TBC1D5: variants seen among roughly 807,000 people sequenced by gnomAD.
TBC1D5 encodes the protein TBC1 domain family, member 5.
Under a neutral mutation model 100.3 loss-of-function variants are expected in TBC1D5, and 75 were observed. The observed-to-expected ratio is 0.75, with a 90% confidence interval of 0.62 to 0.91. The LOEUF (loss-of-function observed/expected upper bound fraction) is 0.91. Among genes scored for constraint, TBC1D5 ranks in the 40% least tolerant of loss-of-function variants. The probability of loss-of-function intolerance (pLI) is 0.00; values close to 1 mark genes in which losing one functional copy is unlikely to be tolerated. For missense variants in TBC1D5, 910 were observed against 942.4 expected (o/e 0.97, Z 0.45); for synonymous variants, 323 against 325.6 (o/e 0.99, Z 0.09).
At chr3:17,603,160 T>G (rs371329552) in intron 2 of TBC1D5, among the ~76,000 whole-genome samples, 19 of 141,862 alleles carry the variant, frequency 1.3e-4, no homozygotes, top group African/African-American at 5.5e-4. Context: ...TTTTGGTTTT[T>G]TTTTTTTTTT....
Position 17,376,595 on chromosome 3 carries a change from C to A in TBC1D5, c.631G>T (p.Ala211Ser), listed in dbSNP as rs763557224. ...CAGTGAAGGACAAAGACTATAGGTG[C>A]TAACAGTTCGTGCATGCCCTGAAAT... Residue 211 changes from alanine (A) to serine (S), a missense_variant, in exon 10 of 22, where the codon GCA becomes TCA. Coordinates refer to ENST00000253692, the Ensembl canonical transcript of TBC1D5. 25 of 1,612,454 alleles carry A rather than the reference C, an allele frequency of 1.6e-5. No individual in the cohort carries two copies. The African/African-American group carries it at 2.0e-4, about 13-fold the overall frequency.
At chr3:17,216,154 C>T (rs2073604292) in intron 17 of TBC1D5, among the ~76,000 whole-genome samples, 1 of 152,048 alleles carries the variant, frequency 6.6e-6, no homozygotes, top group South Asian at 2.1e-4. Flanking sequence ...CTGATACATC[C>T]CTCTTTAAGG....
At chr3:17,498,247 GAATAA>G (rs1477893169) in intron 3 of TBC1D5, among the ~76,000 whole-genome samples, 3 of 151,670 alleles carry the variant, frequency 2.0e-5, no homozygotes, top group Non-Finnish European at 2.9e-5. Context: ...CCAAACTCCA[GAATAA>G]AATACTAGTA....
chr3:17,460,600 C>A (rs1462852361), intron 3 of TBC1D5, among the ~76,000 whole-genome samples: 4 of 151,926 alleles, frequency 2.6e-5, no homozygotes, highest in Non-Finnish European at 5.9e-5. Flanking sequence ...ATCTATTTTA[C>A]ACACATTTTA....
chr3:17,169,483 C>G (rs1319459104), intron 19 of TBC1D5, among the ~76,000 whole-genome samples: 1 of 152,056 alleles, frequency 6.6e-6, no homozygotes, highest in Non-Finnish European at 1.5e-5. Flanking sequence ...ATTCATAAAC[C>G]AGGGTGATAA....
chr3:17,280,197 G>A (rs1259453085), intron 15 of TBC1D5, among the ~76,000 whole-genome samples: 1 of 152,208 alleles, frequency 6.6e-6, no homozygotes, highest in Non-Finnish European at 1.5e-5. Context: ...TGGGGGCAGG[G>A]AGGTCTGCAG....
At chr3:17,395,874 G>A (rs570843605) in intron 8 of TBC1D5, among the ~76,000 whole-genome samples, 2 of 152,122 alleles carry the variant, frequency 1.3e-5, no homozygotes, top group East Asian at 3.9e-4. Context: ...AAATGAAACA[G>A]AAATAGGAAA....
chr3:17,202,191 G>A (rs900615193), intron 18 of TBC1D5, among the ~76,000 whole-genome samples: 2 of 152,252 alleles, frequency 1.3e-5, no homozygotes, highest in East Asian at 1.9e-4. Flanking sequence ...TTATGCATTA[G>A]TAAAGAGACT....
intron 1 of TBC1D5, among the ~76,000 whole-genome samples, chr3:17,629,203 C>A (rs2063302090): frequency 6.6e-6 from 1 of 152,092 alleles, no homozygotes; most frequent in Non-Finnish European, 1.5e-5. Flanking sequence ...AAATTATATT[C>A]TGTGCTTTGG....
At chr3:17,177,849 T>C (rs2067960370) in intron 19 of TBC1D5, among the ~76,000 whole-genome samples, 1 of 152,212 alleles carries the variant, frequency 6.6e-6, no homozygotes, top group Admixed American at 6.5e-5. Flanking sequence ...CCAGGGTGAA[T>C]GAGGTATCTC....
chr3:17,414,029 G>A (rs559999898), intron 4 of TBC1D5, among the ~76,000 whole-genome samples: 2 of 152,318 alleles, frequency 1.3e-5, no homozygotes, highest in African/African-American at 4.8e-5. Context: ...AGATAAGGTA[G>A]AAAGTTGCTT....
At chr3:17,401,297 G>T (rs2093638263) in intron 8 of TBC1D5, among the ~76,000 whole-genome samples, 1 of 119,520 alleles carries the variant, frequency 8.4e-6, no homozygotes, top group African/African-American at 3.8e-5. Context: ...ATATGTATGT[G>T]TATAATACAC....
chr3:17,489,537 G>A (rs1053807866), intron 3 of TBC1D5, among the ~76,000 whole-genome samples: 1 of 152,116 alleles, frequency 6.6e-6, no homozygotes, highest in African/African-American at 2.4e-5. Context: ...CTGTGTCCAT[G>A]TGTTCTCATT....
chr3:17,709,756 G>A (rs1378439320), intron 1 of TBC1D5, among the ~76,000 whole-genome samples: 1 of 152,124 alleles, frequency 6.6e-6, no homozygotes, highest in Non-Finnish European at 1.5e-5. Flanking sequence ...AAAGAATCCT[G>A]TACAAATTGC....
chr3:17,467,882 A>G (rs2095326916), intron 3 of TBC1D5, among the ~76,000 whole-genome samples: 1 of 152,136 alleles, frequency 6.6e-6, no homozygotes, highest in Non-Finnish European at 1.5e-5. Context: ...AGGAAACGGG[A>G]GTTCCCTAGT....
intron 5 of TBC1D5, 24 bp downstream of exon 5, chr3:17,406,394 T>G: frequency 2.5e-6 from 4 of 1,598,070 alleles, no homozygotes; most frequent in Non-Finnish European, 3.4e-6. Context: ...AACCAGAAAC[T>G]GTAAATAAAT....
intron 13 of TBC1D5, among the ~76,000 whole-genome samples, chr3:17,335,698 A>G (rs1392045411): frequency 6.6e-6 from 1 of 152,166 alleles, no homozygotes; most frequent in Non-Finnish European, 1.5e-5. Context: ...AGGAGTCTAT[A>G]TAGAATCCAA....
Position 17,540,045 on chromosome 3 carries a change from T to A in TBC1D5, c.-35-31440A>T, listed in dbSNP as rs115707512. Among the ~76,000 whole-genome samples, 136 of 152,294 alleles carry A rather than the reference T, an allele frequency of 8.9e-4. 3 individuals are homozygous for A. In the East Asian group the frequency reaches 0.025, roughly 28 times the overall value. ...TTGATAGTAGCCATCCTAATGGGTG[T>A]AAGGTGGTATTTCATTATAGTTTTG... is the stretch of plus-strand genomic sequence containing the variant. On this transcript the variant is annotated intron_variant, in intron 2 of 21. Transcript: ENST00000253692.
At chr3:17,453,142 A>C (rs1207194616) in intron 3 of TBC1D5, among the ~76,000 whole-genome samples, 1 of 151,882 alleles carries the variant, frequency 6.6e-6, no homozygotes, top group Non-Finnish European at 1.5e-5. Flanking sequence ...AACACACCAA[A>C]ACCTATGGGA....
Sources: allele counts gnomAD v4.1 joint callset (sites outside exome capture counted in the v4.1 genomes callset), GRCh38; gene constraint gnomAD v4.1.1; transcripts MANE v1.5; gene names NCBI Gene and HGNC (gene_info 2026-07-23, HGNC 2026-07-21).